Variants in PAK5 observed in about 807,000 individuals in gnomAD.
The protein encoded by PAK5 is serine/threonine-protein kinase PAK 5.
PAK5 carries 16 observed loss-of-function variants against 65.9 expected under a neutral mutation model. The ratio of observed to expected loss-of-function variants is 0.24; its 90% CI spans 0.16 to 0.37. PAK5 has a LOEUF of 0.37. Among genes scored for constraint, PAK5 ranks in the 10% least tolerant of loss-of-function variants. The pLI is 1.00. For synonymous variants in PAK5, 371 were observed against 354.9 expected (o/e 1.05, Z -0.51); for missense variants, 785 against 903.9 (o/e 0.87, Z 1.69).
intron 3 of PAK5, among the ~76,000 whole-genome samples, chr20:9,586,331 T>A (rs972479827): frequency 6.6e-6 from 1 of 152,152 alleles, no homozygotes; most frequent in Non-Finnish European, 1.5e-5. Context: ...AAGTTACAGG[T>A]CCCTTAAATC....
intron 4 of PAK5, among the ~76,000 whole-genome samples, chr20:9,579,011 A>T (rs1401538575): frequency 6.6e-6 from 1 of 152,206 alleles, no homozygotes; most frequent in African/African-American, 2.4e-5. Flanking sequence ...GGCTGAAGTA[A>T]CTCCAACAAT....
At chr20:9,682,271 G>A (rs918863076) in intron 2 of PAK5, among the ~76,000 whole-genome samples, 2 of 152,068 alleles carry the variant, frequency 1.3e-5, no homozygotes, top group African/African-American at 4.8e-5. Context: ...GCAGGAGAAT[G>A]GTATGAACTA....
At chr20:9,625,432 C>G (rs1231419401) in intron 3 of PAK5, among the ~76,000 whole-genome samples, 1 of 152,154 alleles carries the variant, frequency 6.6e-6, no homozygotes, top group Non-Finnish European at 1.5e-5. Context: ...CTGGGTAGTC[C>G]CCTCACATCT....
At chr20:9,774,725 C>G (rs1004279239) in intron 1 of PAK5, among the ~76,000 whole-genome samples, 11 of 151,954 alleles carry the variant, frequency 7.2e-5, no homozygotes, top group Non-Finnish European at 1.5e-4. Flanking sequence ...GGGCAGATCA[C>G]GAGGTCAGGA....
At chr20:9,783,238 G>A (rs1292533911) in intron 1 of PAK5, among the ~76,000 whole-genome samples, 8 of 152,082 alleles carry the variant, frequency 5.3e-5, no homozygotes, top group Non-Finnish European at 1.5e-5. Flanking sequence ...ACCCAGCCAA[G>A]TTTGTCTACT....
At chr20:9,701,076 C>A (rs1289594115) in intron 2 of PAK5, among the ~76,000 whole-genome samples, 1 of 152,066 alleles carries the variant, frequency 6.6e-6, no homozygotes, top group Non-Finnish European at 1.5e-5. Flanking sequence ...AAGTTCTCAC[C>A]CCCTGCCTAC....
chr20:9,626,586 G>A (rs2046846695), intron 3 of PAK5, among the ~76,000 whole-genome samples: 1 of 152,230 alleles, frequency 6.6e-6, no homozygotes, highest in Non-Finnish European at 1.5e-5. Flanking sequence ...CAGGAAATGA[G>A]GGTGAGGGTG....
At chr20:9,626,263 GA>G (rs1312273811) in intron 3 of PAK5, among the ~76,000 whole-genome samples, 2 of 151,506 alleles carry the variant, frequency 1.3e-5, no homozygotes, top group African/African-American at 4.8e-5. Flanking sequence ...AACAGAAAAA[GA>G]AAAAAAAGAA....
intron 2 of PAK5, among the ~76,000 whole-genome samples, chr20:9,673,905 T>C (rs1024064683): frequency 6.6e-6 from 1 of 152,204 alleles, no homozygotes; most frequent in African/African-American, 2.4e-5. Context: ...AGTCTGCTCA[T>C]AAGCTGCCCA....
In PAK5 at chr20:9,805,263, G is replaced by A. The variant is rs553638715; in HGVS notation, c.-162+33499C>T. On this transcript the variant is annotated intron_variant, in intron 1 of 9. Transcript: ENST00000353224. ...GATGTGGAGAAATCAAAACTCTCAG[G>A]TGAATGTAAAATGAGAGTCTAAAGT... is the stretch of plus-strand genomic sequence containing the variant. Among the ~76,000 whole-genome samples the A allele has an allele frequency of 9.1e-4, 138 of 152,222 alleles. 1 individual carries two copies. Among genetic ancestry groups the A allele is most frequent in the African/African-American group, 3.1e-3 (127 of 41,544 alleles).
At chr20:9,790,622 C>A (rs1426285417) in intron 1 of PAK5, among the ~76,000 whole-genome samples, 1 of 152,130 alleles carries the variant, frequency 6.6e-6, no homozygotes, top group African/African-American at 2.4e-5. Context: ...CCTCCCACCT[C>A]ACCCTCCTTA....
At chr20:9,715,735 T>G (rs1199493503) in intron 1 of PAK5, among the ~76,000 whole-genome samples, 1 of 152,104 alleles carries the variant, frequency 6.6e-6, no homozygotes, top group Non-Finnish European at 1.5e-5. Flanking sequence ...GATGAGTTCA[T>G]GTCCTTTGTA....
intron 2 of PAK5, among the ~76,000 whole-genome samples, chr20:9,650,303 T>C (rs1256124683): frequency 1.3e-5 from 2 of 152,138 alleles, no homozygotes; most frequent in African/African-American, 4.8e-5. Flanking sequence ...TACAACTCTC[T>C]CCCCAGACCC....
intron 3 of PAK5, among the ~76,000 whole-genome samples, chr20:9,614,270 T>C (rs949310441): frequency 1.3e-5 from 2 of 152,158 alleles, no homozygotes; most frequent in African/African-American, 4.8e-5. Context: ...AGGCTGAGGA[T>C]ATCTCAATAG....
At chr20:9,816,980 A>G (rs2123764899) in intron 1 of PAK5, among the ~76,000 whole-genome samples, 1 of 152,196 alleles carries the variant, frequency 6.6e-6, no homozygotes, top group Admixed American at 6.5e-5. Context: ...ATAGTATAAT[A>G]TGAGTTTAAG....
chr20:9,619,152 G>A (rs143820894), intron 3 of PAK5, among the ~76,000 whole-genome samples: 189 of 151,198 alleles, frequency 1.3e-3, no homozygotes, highest in African/African-American at 4.5e-3. Flanking sequence ...GGAACTCCTG[G>A]GTTCAAATGA....
In PAK5 at chr20:9,704,262, T is replaced by C. The variant is rs772430166; in HGVS notation, c.-12+7024A>G. 6.3e-4 allele frequency among the ~76,000 whole-genome samples: 96 copies of C among 152,296 alleles called. 1 individual carries two copies. Among genetic ancestry groups the C allele is most frequent in the Non-Finnish European group, 1.1e-3 (74 of 68,012 alleles). On this transcript the variant is annotated intron_variant, in intron 2 of 9. Transcript: ENST00000353224. ...AGATTAGTCTCCTTTAAAGTAGCCATAGATGATGTCCTCTGGCTTTCAGAG... is the reference window on the plus strand; with the variant it reads ...AGATTAGTCTCCTTTAAAGTAGCCACAGATGATGTCCTCTGGCTTTCAGAG...
chr20:9,692,585 C>T (rs2047811991), intron 2 of PAK5, among the ~76,000 whole-genome samples: 1 of 152,066 alleles, frequency 6.6e-6, no homozygotes, highest in South Asian at 2.1e-4. Context: ...GATTCAACAT[C>T]ATTCATTTAA....
At chr20:9,607,945 T>C (rs1360941890) in intron 3 of PAK5, among the ~76,000 whole-genome samples, 1 of 152,208 alleles carries the variant, frequency 6.6e-6, no homozygotes, top group African/African-American at 2.4e-5. Context: ...TTTTAAACAA[T>C]AGAAATCTAT....
Sources: allele counts gnomAD v4.1 joint callset (sites outside exome capture counted in the v4.1 genomes callset), GRCh38; gene constraint gnomAD v4.1.1; transcripts MANE v1.5; gene names NCBI Gene and HGNC (gene_info 2026-07-23, HGNC 2026-07-21).